Variants in PAPPA observed in about 807,000 individuals in gnomAD.
The protein encoded by PAPPA is pappalysin 1.
In PAPPA, 60 loss-of-function variants were observed where a neutral mutation model predicts 164.0. The ratio of observed to expected loss-of-function variants is 0.37; its 90% confidence interval spans 0.30 to 0.45. PAPPA has a LOEUF of 0.45. Among genes scored for constraint, PAPPA ranks in the 20% least tolerant of loss-of-function variants. The pLI, the probability that PAPPA is intolerant of heterozygous loss-of-function variation, is 1.00. For synonymous variants in PAPPA, 875 were observed against 814.1 expected, an observed-to-expected ratio of 1.07 and a Z score of -1.27; for missense variants, 1,782 against 2,087.3, an observed-to-expected ratio of 0.85 and a Z score of 2.85.
intron 7 of PAPPA, among the ~76,000 whole-genome samples, chr9:116,244,783 C>A (rs1418353384): frequency 1.3e-5 from 2 of 152,128 alleles, no homozygotes; most frequent in African/African-American, 4.8e-5. Context: ...ACAAATAGAA[C>A]TACTGTTTGA....
intron 9 of PAPPA, among the ~76,000 whole-genome samples, chr9:116,274,756 A>G (rs2118831779): frequency 6.6e-6 from 1 of 152,342 alleles, no homozygotes; most frequent in Middle Eastern, 3.4e-3. Context: ...AACGCTTAGT[A>G]TAGAAGTTGA....
intron 14 of PAPPA, among the ~76,000 whole-genome samples, chr9:116,345,142 C>T (rs59410499): frequency 0.014 from 2,156 of 152,190 alleles, 55 homozygotes; most frequent in African/African-American, 0.049. Flanking sequence ...ATAGTAAGTA[C>T]TAAAGAAAAA....
At chr9:116,311,562 G>A (rs1845718196) in intron 10 of PAPPA, among the ~76,000 whole-genome samples, 1 of 152,152 alleles carries the variant, frequency 6.6e-6, no homozygotes, top group African/African-American at 2.4e-5. Context: ...GTTTCACAGA[G>A]GAAGCATAAG....
chr9:116,181,366 C>T (rs555863199), intron 1 of PAPPA, among the ~76,000 whole-genome samples: 1 of 152,078 alleles, frequency 6.6e-6, no homozygotes, highest in Admixed American at 6.6e-5. Flanking sequence ...CTCTCTCTCT[C>T]TCACTGGTTT....
chr9:116,279,385 G>A (rs1245964791), intron 9 of PAPPA, among the ~76,000 whole-genome samples: 4 of 152,074 alleles, frequency 2.6e-5, no homozygotes, highest in African/African-American at 4.8e-5. Flanking sequence ...AGTCAGCACC[G>A]GTTAGGATCA....
At chr9:116,293,492 C>T (rs944730111) in intron 9 of PAPPA, among the ~76,000 whole-genome samples, 5 of 152,264 alleles carry the variant, frequency 3.3e-5, no homozygotes, top group African/African-American at 1.2e-4. Flanking sequence ...GCCTTTCAGG[C>T]TAAGGAAGTA....
At chr9:116,169,999 T>G (rs1476521477) in intron 1 of PAPPA, among the ~76,000 whole-genome samples, 1 of 152,178 alleles carries the variant, frequency 6.6e-6, no homozygotes, top group Non-Finnish European at 1.5e-5. Context: ...ACTCCTATTT[T>G]AGATCAACGA....
At chr9:116,163,043 C>A (rs1232741716) in intron 1 of PAPPA, among the ~76,000 whole-genome samples, 1 of 152,100 alleles carries the variant, frequency 6.6e-6, no homozygotes, top group Admixed American at 6.6e-5. Context: ...TATTTCCTGC[C>A]CAAGCATGCA....
At position 116,364,229 on chromosome 9, in the gene PAPPA, A is replaced by T. The variant is rs190777126; in HGVS notation, c.4495+1490A>T. On this transcript the variant is annotated intron_variant, in intron 18 of 21. Coordinates refer to ENST00000328252, the MANE Select transcript of PAPPA (RefSeq NM_002581.5). ...GTGATGGGGTCCCAACCTCCAGCTC[A>T]ATCAGAATATGCAAGTGAATATTCA... Among the ~76,000 whole-genome samples, 180 of 152,358 alleles carry T rather than the reference A, an allele frequency of 1.2e-3. 1 individual carries two copies. The highest frequency in any genetic ancestry group is 4.0e-3 in the African/African-American group (168 of 41,578).
In PAPPA at chr9:116,219,998, C is replaced by T. The variant is rs1844423212; in HGVS notation, c.1980C>T (p.Asp660=). The T allele has an allele frequency of 1.9e-6, 3 of 1,613,964 alleles. No individual in the cohort carries two copies. The highest frequency in any genetic ancestry group is 2.5e-6 in the Non-Finnish European group (3 of 1,179,986). The part of the protein sequence containing the change: ...NQVARMHCYL[D]LVYQGWQPSR... ...TCGCCAGAATGCACTGTTACCTGGA[C>T]CTGGTCTACCAGGGCTGGCAGCCCT... Residue 660 remains aspartate (D), a synonymous_variant, in exon 5 of 22, where the codon GAC becomes GAT. Coordinates refer to ENST00000328252, the MANE Select transcript of PAPPA (RefSeq NM_002581.5).
At position 116,271,255 on chromosome 9, in the gene PAPPA, G is replaced by A; in HGVS notation, c.2862-70G>A. 9.6e-7 allele frequency: 1 copy of A among 1,043,664 alleles called. No individual in the cohort carries two copies. Among genetic ancestry groups the A allele is most frequent in the Non-Finnish European group, 1.5e-6 (1 of 661,888 alleles). 64.7% of individuals were successfully genotyped at this position (1,043,664 alleles called of 1,614,324 possible). On this transcript the variant is annotated intron_variant, in intron 8 of 21. Coordinates refer to ENST00000328252, the MANE Select transcript of PAPPA (RefSeq NM_002581.5). This position sits in a 1 kb window ranked among gnomAD's most constrained non-coding sequence, Gnocchi z 4.2. ...CACTGAAGGTTCATGGCCCAGGGAG[G>A]GACTTTTCCATGTCCAGCCATGGTT... is the stretch of plus-strand genomic sequence containing the variant.
chr9:116,177,979 T>G (rs1333877233), intron 1 of PAPPA, among the ~76,000 whole-genome samples: 2 of 152,144 alleles, frequency 1.3e-5, no homozygotes, highest in East Asian at 1.9e-4. Flanking sequence ...AAAAGAGCAA[T>G]AAACATGCAT....
intron 1 of PAPPA, among the ~76,000 whole-genome samples, chr9:116,167,697 T>C (rs1843732648): frequency 6.6e-6 from 1 of 152,140 alleles, no homozygotes; most frequent in Admixed American, 6.5e-5. Flanking sequence ...GTAACAAGGC[T>C]GATTTTTGGG....
intron 5 of PAPPA, among the ~76,000 whole-genome samples, chr9:116,220,800 G>C (rs1844435193): frequency 1.3e-5 from 2 of 151,788 alleles, no homozygotes; most frequent in Non-Finnish European, 2.9e-5. Context: ...GCAGGAGAAT[G>C]CTTGAGCCCA....
At chr9:116,382,129 C>G (rs1846739195) in intron 20 of PAPPA, among the ~76,000 whole-genome samples, 1 of 152,040 alleles carries the variant, frequency 6.6e-6, no homozygotes, top group South Asian at 2.1e-4. Flanking sequence ...CCCAAGCACA[C>G]AAGAGTATGT....
At chr9:116,236,910 T>TAAG (rs1844674902) in intron 7 of PAPPA, among the ~76,000 whole-genome samples, 1 of 152,208 alleles carries the variant, frequency 6.6e-6, no homozygotes. Context: ...GCCACTGCAC[T>TAAG]CAACTGGTGC....
At chr9:116,326,814 C>A (rs1487062862) in intron 10 of PAPPA, among the ~76,000 whole-genome samples, 5 of 152,178 alleles carry the variant, frequency 3.3e-5, no homozygotes, top group African/African-American at 1.2e-4. Context: ...TTAGATACTT[C>A]ATATTAAGTG....
At chr9:116,371,423 T>C (rs1846572432) in intron 19 of PAPPA, among the ~76,000 whole-genome samples, 1 of 152,062 alleles carries the variant, frequency 6.6e-6, no homozygotes, top group Admixed American at 6.6e-5. Context: ...TCTCGAATAA[T>C]AATAATGATA....
At chr9:116,181,828 C>T (rs2118614448) in intron 1 of PAPPA, among the ~76,000 whole-genome samples, 2 of 152,322 alleles carry the variant, frequency 1.3e-5, no homozygotes, top group South Asian at 4.1e-4. Flanking sequence ...GTGGGCTGAG[C>T]CCAGTGGAAT....
Sources: allele counts gnomAD v4.1 joint callset (sites outside exome capture counted in the v4.1 genomes callset), GRCh38; gene constraint gnomAD v4.1.1; non-coding constraint Gnocchi (gnomAD v3.1); transcripts MANE v1.5; gene names NCBI Gene and HGNC (gene_info 2026-07-23, HGNC 2026-07-21).